HS3ST2: variants seen among roughly 807,000 people sequenced by gnomAD.
HS3ST2 encodes the protein heparan sulfate-glucosamine 3-sulfotransferase 2, also known as heparan sulfate glucosamine 3-O-sulfotransferase 2.
Under a neutral mutation model 26.3 loss-of-function variants are expected in HS3ST2, and 17 were observed. The observed-to-expected ratio is 0.65, with a 90% CI of 0.44 to 0.97. The LOEUF is 0.97. HS3ST2 is among the 50% of genes least tolerant of loss of function. The pLI is 0.00. For synonymous variants in HS3ST2, 237 were observed against 219.2 expected (o/e 1.08, Z -0.72); for missense variants, 402 against 501.2 (o/e 0.80, Z 1.89).
rs368456167 is a variant in HS3ST2, at chr16:22,891,956, C to T, written c.486-22988C>T. On this transcript the variant is annotated intron_variant, in intron 1 of 1. Coordinates refer to ENST00000261374, the MANE Select transcript of HS3ST2 (RefSeq NM_006043.2). ...GAAAATCAAAGAATAGGCTGTTCTA[C>T]ACATCTTTCAGGAAAAGTCATCAAG... 3.3e-5 allele frequency among the ~76,000 whole-genome samples: 5 copies of T among 152,150 alleles called. No homozygotes were observed. The East Asian group carries it at 9.7e-4, about 29-fold the overall frequency.
At position 22,861,838 on chromosome 16, in the gene HS3ST2, G is replaced by A. The variant is rs117734386; in HGVS notation, c.485+46743G>A. ...CTCTGGCTTTTGAACCTGCTGAGCCGCTTCCCTGCCTCGGGACCTTTGCAC... is the reference window on the plus strand; with the variant it reads ...CTCTGGCTTTTGAACCTGCTGAGCCACTTCCCTGCCTCGGGACCTTTGCAC... On this transcript the variant is annotated intron_variant, in intron 1 of 1. Coordinates refer to ENST00000261374, the MANE Select transcript of HS3ST2 (RefSeq NM_006043.2). Among the ~76,000 whole-genome samples, 685 of 152,146 alleles carry A rather than the reference G, an allele frequency of 4.5e-3. 19 individuals carry two copies. In the East Asian group the frequency reaches 0.053, roughly 12 times the overall value.
intron 1 of HS3ST2, among the ~76,000 whole-genome samples, chr16:22,912,796 G>A (rs1189226549): frequency 6.6e-6 from 1 of 152,110 alleles, no homozygotes; most frequent in East Asian, 1.9e-4. Flanking sequence ...CATAGAAAGG[G>A]ATGGTCACCT....
chr16:22,854,483 A>T (rs1038086943), intron 1 of HS3ST2, among the ~76,000 whole-genome samples: 2 of 152,076 alleles, frequency 1.3e-5, no homozygotes, highest in African/African-American at 4.8e-5. Flanking sequence ...TTGTTCACAG[A>T]TATACATTTT....
At chr16:22,863,894 G>C (rs371114599) in intron 1 of HS3ST2, among the ~76,000 whole-genome samples, 1 of 152,168 alleles carries the variant, frequency 6.6e-6, no homozygotes, top group Admixed American at 6.5e-5. Context: ...GTTCCTTCCC[G>C]TGTTGAGTTT....
At chr16:22,864,731 C>G in intron 1 of HS3ST2, among the ~76,000 whole-genome samples, 1 of 151,948 alleles carries the variant, frequency 6.6e-6, no homozygotes, top group East Asian at 1.9e-4. Flanking sequence ...CCAAGTGCTG[C>G]TGTTTTAAAA....
At chr16:22,878,650 G>A (rs1163357738) in intron 1 of HS3ST2, among the ~76,000 whole-genome samples, 1 of 152,170 alleles carries the variant, frequency 6.6e-6, no homozygotes, top group Non-Finnish European at 1.5e-5. Flanking sequence ...CATTTTAGAA[G>A]GTGGTAAGTG....
chr16:22,894,231 C>T (rs1902174340), intron 1 of HS3ST2, among the ~76,000 whole-genome samples: 1 of 152,190 alleles, frequency 6.6e-6, no homozygotes, highest in South Asian at 2.1e-4. Flanking sequence ...GCTACACTGC[C>T]TGCCAGCGTT....
At chr16:22,877,683 T>C (rs1192115382) in intron 1 of HS3ST2, among the ~76,000 whole-genome samples, 1 of 152,174 alleles carries the variant, frequency 6.6e-6, no homozygotes. Context: ...TCCTACAGGA[T>C]GTATGTAAGA....
chr16:22,853,156 C>T (rs1474902713), intron 1 of HS3ST2, among the ~76,000 whole-genome samples: 1 of 152,184 alleles, frequency 6.6e-6, no homozygotes, highest in African/African-American at 2.4e-5. Context: ...AGGTCTGGGA[C>T]ATGCTATCAC....
In HS3ST2 at chr16:22,814,857, C is replaced by A; in HGVS notation, c.247C>A (p.Pro83Thr). ...TCCCTCCGGGCCGACGCCCAGCGAGCCCAGCGCTCCCAGCGCGCCCGCCGC... is the reference window on the plus strand; with the variant it reads ...TCCCTCCGGGCCGACGCCCAGCGAGACCAGCGCTCCCAGCGCGCCCGCCGC... ...CDPSGPTPSE[P>T]SAPSAPAAAV... The change falls in exon 1 of 2, where the codon CCC becomes ACC. Residue 83 changes from proline (P) to threonine (T), a missense_variant. Physicochemically the swap from Pro to Thr is conservative, Grantham distance 38. This residue lies in a region of HS3ST2 where 165 missense variants were observed against 154.6 expected (regional missense o/e 1.07). Coordinates refer to ENST00000261374, the MANE Select transcript of HS3ST2 (RefSeq NM_006043.2). 6.4e-7 allele frequency: 1 copy of A among 1,558,234 alleles called. No individual in the cohort carries two copies. The highest frequency in any genetic ancestry group is 8.7e-7 in the Non-Finnish European group (1 of 1,152,134).
chr16:22,842,235 T>C (rs1009611807), intron 1 of HS3ST2, among the ~76,000 whole-genome samples: 5 of 151,992 alleles, frequency 3.3e-5, no homozygotes, highest in African/African-American at 9.7e-5. Context: ...CTAATTTTTA[T>C]ATTTTTAGCA....
chr16:22,874,813 G>A (rs1208848445), intron 1 of HS3ST2, among the ~76,000 whole-genome samples: 1 of 152,144 alleles, frequency 6.6e-6, no homozygotes, highest in Non-Finnish European at 1.5e-5. Context: ...ACCTTAAAGG[G>A]CTGCATCGCC....
chr16:22,831,054 G>C (rs1168248389), intron 1 of HS3ST2, among the ~76,000 whole-genome samples: 1 of 152,202 alleles, frequency 6.6e-6, no homozygotes, highest in African/African-American at 2.4e-5. Flanking sequence ...CTATTTCTCT[G>C]TTCCAGAGAG....
chr16:22,861,130 G>A lies in HS3ST2; in HGVS notation c.485+46035G>A, dbSNP rs553179343. On this transcript the variant is annotated intron_variant, in intron 1 of 1. Coordinates refer to ENST00000261374, the MANE Select transcript of HS3ST2 (RefSeq NM_006043.2). ...GAGCTTAGGCAATCTTCCTGCCTTG[G>A]CCTCCCAAAGCACTGGGATTACAGG... is the stretch of plus-strand genomic sequence containing the variant. 5.3e-5 allele frequency among the ~76,000 whole-genome samples: 8 copies of A among 152,154 alleles called. No individual in the cohort carries two copies. In the South Asian group the frequency reaches 1.7e-3, roughly 32 times the overall value.
At chr16:22,871,665 G>A (rs192821364) in intron 1 of HS3ST2, among the ~76,000 whole-genome samples, 6 of 152,080 alleles carry the variant, frequency 3.9e-5, no homozygotes, top group South Asian at 4.2e-4. Flanking sequence ...CTCTAGGCTC[G>A]GGAACAGTAC....
In HS3ST2 at chr16:22,915,293, A is replaced by G; in HGVS notation, c.835A>G (p.Thr279Ala). 6.2e-7 allele frequency: 1 copy of G among 1,614,020 alleles called. No homozygotes were observed. The highest frequency in any genetic ancestry group is 2.2e-5 in the East Asian group (1 of 44,844). The change falls in exon 2 of 2, where the codon ACT (threonine) becomes GCT (alanine). Residue 279 changes from threonine (T) to alanine (A), a missense_variant. Around this residue, in one of 2 missense-constraint regions of HS3ST2, gnomAD observed 237 missense variants for 346.6 expected, o/e 0.68. Transcript: ENST00000261374. The stretch of plus-strand genomic sequence containing the variant: ...CTTCGTCAGTGGCGAGCGACTCATC[A>G]CTGACCCGGCCGGCGAGATGGGGCG... ...IHFVSGERLI[T>A]DPAGEMGRVQ... is the part of the protein sequence containing the mutation.
At chr16:22,842,047 T>C (rs922897985) in intron 1 of HS3ST2, among the ~76,000 whole-genome samples, 3 of 147,794 alleles carry the variant, frequency 2.0e-5, no homozygotes, top group Non-Finnish European at 4.4e-5. Flanking sequence ...TGTAATTTCT[T>C]TTTTTCTTTT....
At chr16:22,842,062 C>CTTTTT (rs11285807) in intron 1 of HS3ST2, among the ~76,000 whole-genome samples, 16 of 111,786 alleles carry the variant, frequency 1.4e-4, no homozygotes, top group East Asian at 2.4e-4. Flanking sequence ...TCTTTTCTTT[C>CTTTTT]TTTTTTTTTT....
At chr16:22,836,172 A>G (rs1056458637) in intron 1 of HS3ST2, among the ~76,000 whole-genome samples, 1 of 152,232 alleles carries the variant, frequency 6.6e-6, no homozygotes, top group Non-Finnish European at 1.5e-5. Flanking sequence ...AAAATCTAAC[A>G]TTTAATCCTC....
Sources: gnomAD v4.1 joint callset for allele counts (sites outside exome capture counted in the v4.1 genomes callset) on GRCh38, gnomAD v4.1.1 for gene constraint, gnomAD v4.1.1 regional missense constraint, MANE v1.5 for transcripts, NCBI Gene and HGNC (gene_info 2026-07-23, HGNC 2026-07-21) for gene names.